The following FRMD4B variants were observed in gnomAD, a reference collection of about 807,000 sequenced individuals.
FRMD4B encodes FERM domain containing 4B, also known as FERM domain-containing protein 4B.
Under a neutral mutation model 141.5 loss-of-function variants are expected in FRMD4B, and 74 were observed. The observed-to-expected ratio is 0.52, with a 90% CI of 0.43 to 0.63. The LOEUF (loss-of-function observed/expected upper bound fraction) is 0.63. Ranked by LOEUF, FRMD4B falls within the 30% of genes least tolerant of loss-of-function variation. FRMD4B has a pLI of 0.00. For missense variants in FRMD4B, 1,366 were observed against 1,253.4 expected, an observed-to-expected ratio of 1.09 and a Z score of -1.36; for synonymous variants, 506 against 467.9, an observed-to-expected ratio of 1.08 and a Z score of -1.05.
chr3:69,182,675 C>G lies in FRMD4B; in HGVS notation c.1962G>C (p.Glu654Asp), dbSNP rs770454855. ...STHSSPYKTL[E>D]RRPQGGRSMP... ...TGCTTCGTCCTCCCTGGGGCCGCCT[C>G]TCCAGAGTTTTGTAAGGGCTGCTGT... Residue 654 changes from glutamate (E) to aspartate (D), a missense_variant, in exon 20 of 23, where the codon GAG becomes GAC. Physicochemically the swap from Glu to Asp is conservative, Grantham distance 45. Coordinates refer to ENST00000398540, the MANE Select transcript of FRMD4B (RefSeq NM_015123.3). The G allele has an allele frequency of 2.5e-6, 4 of 1,613,664 alleles. No homozygotes were observed. Among genetic ancestry groups the G allele is most frequent in the Non-Finnish European group, 3.4e-6 (4 of 1,179,646 alleles).
chr3:69,354,310 CAT>C (rs1703249967), intron 1 of FRMD4B, among the ~76,000 whole-genome samples: 2 of 152,000 alleles, frequency 1.3e-5, no homozygotes, highest in East Asian at 1.9e-4. Flanking sequence ...GAGAGAAAAA[CAT>C]ATAGAATACT....
At chr3:69,250,946 C>G (rs2093460841) in intron 5 of FRMD4B, among the ~76,000 whole-genome samples, 1 of 151,700 alleles carries the variant, frequency 6.6e-6, no homozygotes, top group African/African-American at 2.4e-5. Context: ...AAAGCTTTTT[C>G]AGTAGACCAG....
Position 69,253,182 on chromosome 3 carries a change from TA to T in FRMD4B, c.502-3084del, listed in dbSNP as rs71618270. Among the ~76,000 whole-genome samples, 368 of 120,594 alleles carry T rather than the reference TA, an allele frequency of 3.1e-3. 19 individuals carry two copies. The highest frequency in any genetic ancestry group is 8.9e-3 in the Middle Eastern group (2 of 224). 79.1% of individuals were successfully genotyped at this position (120,594 alleles called of 152,430 possible). A position where few individuals can be genotyped will look rare whatever the true frequency, so the allele number is the denominator to read the frequency against. On this transcript the variant is annotated intron_variant, in intron 5 of 22. Coordinates refer to ENST00000398540, the MANE Select transcript of FRMD4B (RefSeq NM_015123.3). ...GGGAAATTAGTGAAAATATGATTCC[TA>T]TTTTTTTTTTTTTTTTTTTTTGCAG... is the stretch of plus-strand genomic sequence containing the variant.
intron 4 of FRMD4B, among the ~76,000 whole-genome samples, chr3:69,290,544 C>T (rs537147026): frequency 2.6e-5 from 4 of 152,270 alleles, no homozygotes; most frequent in Admixed American, 1.3e-4. Flanking sequence ...TTGGTGGTGG[C>T]TGTTTCCTGC....
At chr3:69,407,087 G>C (rs768207880) in intron 2 of FRMD4B, among the ~76,000 whole-genome samples, 1 of 151,954 alleles carries the variant, frequency 6.6e-6, no homozygotes, top group Non-Finnish European at 1.5e-5. Flanking sequence ...TGTTTGAAGA[G>C]TGTCTTTTGG....
At chr3:69,449,436 A>G (rs974787613) in intron 1 of FRMD4B, among the ~76,000 whole-genome samples, 2 of 152,238 alleles carry the variant, frequency 1.3e-5, no homozygotes, top group African/African-American at 2.4e-5. Context: ...ACATAACCCA[A>G]AAGAGTTGAC....
At chr3:69,375,091 CCTAT>C (rs1412957720) in intron 1 of FRMD4B, among the ~76,000 whole-genome samples, 1 of 144,274 alleles carries the variant, frequency 6.9e-6, no homozygotes, top group Non-Finnish European at 1.5e-5. Context: ...CAAACACCTA[CCTAT>C]CTATCCTACC....
At chr3:69,219,319 T>C (rs1032858919) in intron 9 of FRMD4B, among the ~76,000 whole-genome samples, 2 of 151,826 alleles carry the variant, frequency 1.3e-5, no homozygotes, top group African/African-American at 4.8e-5. Flanking sequence ...CTGAGGCTCC[T>C]GTTTTAACGC....
chr3:69,237,001 G>T (rs1261553365), intron 7 of FRMD4B, among the ~76,000 whole-genome samples: 1 of 152,190 alleles, frequency 6.6e-6, no homozygotes, highest in East Asian at 1.9e-4. Context: ...AAAGAGAGCA[G>T]CTCCACCTAG....
intron 1 of FRMD4B, chr3:69,536,534 G>A (rs1160830517): frequency 2.9e-6 from 2 of 699,966 alleles, no homozygotes; most frequent in African/African-American, 1.8e-5. Flanking sequence ...ACCGTGCGGG[G>A]GGTGGGGAAT....
intron 5 of FRMD4B, among the ~76,000 whole-genome samples, chr3:69,256,879 T>TG (rs1439834246): frequency 2.0e-5 from 3 of 152,202 alleles, no homozygotes; most frequent in African/African-American, 4.8e-5. Context: ...GTAATCTTTA[T>TG]GGGGGATGGT....
chr3:69,177,896 C>T (rs2107579801), intron 21 of FRMD4B, among the ~76,000 whole-genome samples: 1 of 151,716 alleles, frequency 6.6e-6, no homozygotes, highest in East Asian at 1.9e-4. Flanking sequence ...TATTTTTTGT[C>T]TTAAAAAAAA....
At chr3:69,338,802 C>T (rs1005937534) in intron 1 of FRMD4B, among the ~76,000 whole-genome samples, 4 of 152,112 alleles carry the variant, frequency 2.6e-5, no homozygotes, top group Admixed American at 2.6e-4. Context: ...AATTTATCTA[C>T]AGAACCAACC....
rs1427562602 is a variant in FRMD4B, at chr3:69,437,713, AAT to A, written c.-128-4954_-128-4953del. On this transcript the variant is annotated intron_variant, in intron 1 of 5. Transcript: ENST00000459638. ...TGTAGTATATATACTATATAAATATAATATATATAAATACATATTATATACAA... is the reference window on the plus strand; with the variant it reads ...TGTAGTATATATACTATATAAATATAATATATAAATACATATTATATACAA... 7.2e-4 allele frequency among the ~76,000 whole-genome samples: 94 copies of A among 131,254 alleles called. 1 individual carries two copies. Among genetic ancestry groups the A allele is most frequent in the African/African-American group, 2.0e-3 (68 of 33,844 alleles). 86.1% of individuals were successfully genotyped at this position (131,254 alleles called of 152,430 possible). A position where few individuals can be genotyped will look rare whatever the true frequency, so the allele number is the denominator to read the frequency against.
At position 69,500,347 on chromosome 3, in the gene FRMD4B, G is replaced by A. The variant is rs116273487; in HGVS notation, c.-129+41859C>T. ...ATGATAATTTCCTGGTTGAAGATGC[G>A]CGGAGGATCCCTAGGATATATATTC... On this transcript the variant is annotated intron_variant, in intron 1 of 5. Coordinates refer to the FRMD4B transcript ENST00000459638. Among the ~76,000 whole-genome samples the A allele has an allele frequency of 1.9e-3, 287 of 152,262 alleles. 2 individuals are homozygous for A. Among genetic ancestry groups the A allele is most frequent in the African/African-American group, 6.6e-3 (276 of 41,554 alleles).
chr3:69,470,201 G>T (rs1462736034), intron 1 of FRMD4B, among the ~76,000 whole-genome samples: 4 of 152,194 alleles, frequency 2.6e-5, no homozygotes, highest in East Asian at 1.9e-4. Context: ...AGGCACCACA[G>T]TGCAGTCCAT....
intron 1 of FRMD4B, among the ~76,000 whole-genome samples, chr3:69,510,614 C>T (rs139404631): frequency 6.6e-4 from 100 of 152,260 alleles, no homozygotes; most frequent in African/African-American, 2.2e-3. Flanking sequence ...AAAATTTACA[C>T]GTTTAGGGCT....
At chr3:69,177,575 TGGAAGTCAA>T (rs1028781500) in intron 21 of FRMD4B, among the ~76,000 whole-genome samples, 6 of 151,982 alleles carry the variant, frequency 3.9e-5, no homozygotes, top group African/African-American at 1.5e-4. Flanking sequence ...ACTCAAGCCT[TGGAAGTCAA>T]GGCTACAGTG....
At chr3:69,236,494 G>A (rs1243870828) in intron 7 of FRMD4B, among the ~76,000 whole-genome samples, 1 of 152,160 alleles carries the variant, frequency 6.6e-6, no homozygotes, top group African/African-American at 2.4e-5. Flanking sequence ...CTCCCAAAGT[G>A]CTGGGATTAC....
Sources: gnomAD v4.1 joint callset for allele counts (sites outside exome capture counted in the v4.1 genomes callset) on GRCh38, gnomAD v4.1.1 for gene constraint, MANE v1.5 for transcripts, NCBI Gene and HGNC (gene_info 2026-07-23, HGNC 2026-07-21) for gene names.